Variants in AIM2 observed in about 807,000 individuals in gnomAD.
AIM2 encodes interferon-inducible protein AIM2.
A neutral mutation model predicts 27.7 loss-of-function variants in AIM2; 30 were observed. That is an observed-to-expected ratio of 1.08 (90% CI 0.81 to 1.47). AIM2 has a LOEUF of 1.47. Among genes scored for constraint, AIM2 ranks in the 40% most tolerant of loss-of-function variants. AIM2 has a pLI of 0.00. For synonymous variants in AIM2, 141 were observed against 145.3 expected (o/e 0.97, Z 0.21); for missense variants, 358 against 411.3 (o/e 0.87, Z 1.12).
chr1:159,066,365 C>G (rs769499955), intron 3 of AIM2, 36 bp from the exon 4 acceptor site: 1 of 1,569,702 alleles, frequency 6.4e-7, no homozygotes, highest in Admixed American at 2.0e-5. Flanking sequence ...AGCTGTGAGT[C>G]AAAAAGGTAC....
At chr1:159,083,017 G>A (rs1395529734) in intron 1 of AIM2, among the ~76,000 whole-genome samples, 2 of 152,128 alleles carry the variant, frequency 1.3e-5, no homozygotes, top group African/African-American at 4.8e-5. Flanking sequence ...AAATTTTACT[G>A]TTTTGGATCT....
At chr1:159,093,789 G>T (rs1413538421) in intron 1 of AIM2, among the ~76,000 whole-genome samples, 1 of 151,862 alleles carries the variant, frequency 6.6e-6, no homozygotes, top group Non-Finnish European at 1.5e-5. Context: ...AGGCTGGAGT[G>T]CAGTGGCACA....
intron 1 of AIM2, 35 bp from the exon 2 acceptor site, chr1:159,073,554 C>A: frequency 6.5e-7 from 1 of 1,542,312 alleles, no homozygotes; most frequent in Non-Finnish European, 8.8e-7. Flanking sequence ...GATTACACCA[C>A]CAAAAGTGAT....
At chr1:159,125,160 A>G (rs1159464576) in intron 1 of AIM2, among the ~76,000 whole-genome samples, 1 of 152,226 alleles carries the variant, frequency 6.6e-6, no homozygotes, top group Middle Eastern at 3.2e-3. Flanking sequence ...ATATCCCGGG[A>G]AAGCCTCCAC....
chr1:159,140,435 T>C (rs1179765809), exon 1 of AIM2: 1 of 152,320 alleles, frequency 6.6e-6, no homozygotes, highest in Non-Finnish European at 1.5e-5. Flanking sequence ...CCTTACCTTT[T>C]GGCATGGCTG....
At chr1:159,146,814 T>TA (rs1479714651) in intron 1 of AIM2, among the ~76,000 whole-genome samples, 4 of 152,158 alleles carry the variant, frequency 2.6e-5, no homozygotes, top group Non-Finnish European at 5.9e-5. Flanking sequence ...TGCTTGGACT[T>TA]AGAGTCTTTG....
chr1:159,061,028 G>A (rs1655817102), downstream of AIM2, among the ~76,000 whole-genome samples: 1 of 152,070 alleles, frequency 6.6e-6, no homozygotes, highest in Admixed American at 6.5e-5. Context: ...CAATTGCTCT[G>A]TATCCTTCTC....
chr1:159,121,117 T>A (rs1191432043), intron 1 of AIM2, among the ~76,000 whole-genome samples: 1 of 152,116 alleles, frequency 6.6e-6, no homozygotes, highest in Non-Finnish European at 1.5e-5. Context: ...CAGCACATCA[T>A]AGCAAGCTCT....
chr1:159,088,655 G>C (rs762771596), intron 1 of AIM2, among the ~76,000 whole-genome samples: 4 of 152,152 alleles, frequency 2.6e-5, no homozygotes, highest in Non-Finnish European at 4.4e-5. Context: ...GTGATGAGTC[G>C]TGAGGGTTCT....
intron 1 of AIM2, among the ~76,000 whole-genome samples, chr1:159,110,030 T>C (rs537716417): frequency 2.4e-4 from 36 of 152,274 alleles, no homozygotes; most frequent in Non-Finnish European, 4.4e-5. Flanking sequence ...AGTAGAACTA[T>C]CATTTGATCC....
chr1:159,141,696 C>A (rs1648115031), upstream of AIM2, among the ~76,000 whole-genome samples: 1 of 152,114 alleles, frequency 6.6e-6, no homozygotes, highest in South Asian at 2.1e-4. Context: ...TCACCACACA[C>A]ACAGCATCAG....
At chr1:159,073,201 A>G in intron 2 of AIM2, 37 bp downstream of exon 2, 3 of 1,609,820 alleles carry the variant, frequency 1.9e-6, no homozygotes, top group Non-Finnish European at 2.5e-6. Context: ...GGCTTGGCAG[A>G]AAAAGGGACG....
At chr1:159,126,823 C>T (rs2102045684) in intron 1 of AIM2, among the ~76,000 whole-genome samples, 1 of 151,966 alleles carries the variant, frequency 6.6e-6, no homozygotes, top group South Asian at 2.1e-4. Flanking sequence ...TTATAATAGA[C>T]AAAAAACCTG....
chr1:159,128,076 C>T (rs1288525350), intron 1 of AIM2, among the ~76,000 whole-genome samples: 1 of 152,194 alleles, frequency 6.6e-6, no homozygotes, highest in East Asian at 1.9e-4. Context: ...TAGTAGAACA[C>T]ATGCCTCTGG....
At chr1:159,078,373 C>A (rs1557897826), upstream of AIM2, among the ~76,000 whole-genome samples, 1 of 152,160 alleles carries the variant, frequency 6.6e-6, no homozygotes, top group Non-Finnish European at 1.5e-5. Flanking sequence ...TGAGTGAATG[C>A]ATGAATGAGT....
intron 1 of AIM2, among the ~76,000 whole-genome samples, chr1:159,074,226 C>T (rs1656496592): frequency 6.6e-6 from 1 of 152,142 alleles, no homozygotes; most frequent in African/African-American, 2.4e-5. Flanking sequence ...TTTCATGGAT[C>T]ATGCTTTCAG....
intron 1 of AIM2, among the ~76,000 whole-genome samples, chr1:159,116,592 C>A (rs1647356448): frequency 1.3e-5 from 2 of 151,922 alleles, no homozygotes; most frequent in Admixed American, 1.3e-4. Flanking sequence ...GACAAAAAAC[C>A]AAACACCGCA....
intron 1 of AIM2, among the ~76,000 whole-genome samples, chr1:159,111,765 C>T (rs1461226814): frequency 6.8e-6 from 1 of 147,964 alleles, no homozygotes; most frequent in Non-Finnish European, 1.5e-5. Context: ...GAGTTCGAGG[C>T]CTGGCCAACA....
At chr1:159,074,670 T>A (rs1656518517) in intron 1 of AIM2, among the ~76,000 whole-genome samples, 1 of 152,144 alleles carries the variant, frequency 6.6e-6, no homozygotes, top group Non-Finnish European at 1.5e-5. Flanking sequence ...AATGCATTCC[T>A]TTATTTTAGT....
Sources: allele counts gnomAD v4.1 joint callset (sites outside exome capture counted in the v4.1 genomes callset), GRCh38; gene constraint gnomAD v4.1.1; transcripts MANE v1.5; gene names NCBI Gene and HGNC (gene_info 2026-07-23, HGNC 2026-07-21).